The following YES1 variants were observed in gnomAD, a reference collection of about 807,000 sequenced individuals.
The protein encoded by YES1 is tyrosine-protein kinase Yes.
YES1 carries 39 observed loss-of-function variants against 70.4 expected under a neutral mutation model. The ratio of observed to expected loss-of-function variants is 0.55; its 90% confidence interval spans 0.43 to 0.72. The LOEUF (loss-of-function observed/expected upper bound fraction) is 0.72. Among genes scored for constraint, YES1 ranks in the 30% least tolerant of loss-of-function variants. YES1 has a pLI of 0.00. For synonymous variants in YES1, 198 were observed against 218.6 expected, an observed-to-expected ratio of 0.91 and a Z score of 0.83; for missense variants, 495 against 644.8, an observed-to-expected ratio of 0.77 and a Z score of 2.52.
At chr18:743,207 C>A in intron 7 of YES1, 53 bp downstream of exon 7, 1 of 1,573,256 alleles carries the variant, frequency 6.4e-7, no homozygotes, top group Non-Finnish European at 8.6e-7. Context: ...TAAATTGTTG[C>A]ACTTTAATCC....
chr18:800,605 A>AC (rs1906769700), intron 1 of YES1, among the ~76,000 whole-genome samples: 2 of 152,214 alleles, frequency 1.3e-5, no homozygotes, highest in Non-Finnish European at 2.9e-5. Context: ...TGGAGAAATA[A>AC]AAGGAAGCCA....
Position 756,780 on chromosome 18 carries a change from G to A in YES1, c.48C>T (p.Tyr16=). ...SKENKSPAIK[Y]RPENTPEPVS... is the part of the protein sequence containing the mutation. ...CAGGCTCTGGAGTATTTTCAGGTCT[G>A]TATTTAATGGCTGGACTTTTGTTTT... The change falls in exon 2 of 12, where the codon TAC becomes TAT. Residue 16 remains tyrosine (Y), a synonymous_variant. Transcript: ENST00000314574. 2 of 1,614,124 alleles carry A rather than the reference G, an allele frequency of 1.2e-6. No homozygotes were observed. Among genetic ancestry groups the A allele is most frequent in the South Asian group, 1.1e-5 (1 of 91,082 alleles).
At chr18:789,461 T>C (rs1232217202) in intron 1 of YES1, among the ~76,000 whole-genome samples, 2 of 152,018 alleles carry the variant, frequency 1.3e-5, no homozygotes, top group Non-Finnish European at 2.9e-5. Flanking sequence ...TACAGGCCTG[T>C]AGTCCCAACT....
At chr18:764,068 C>T (rs1248555846) in intron 1 of YES1, among the ~76,000 whole-genome samples, 4 of 149,308 alleles carry the variant, frequency 2.7e-5, no homozygotes, top group East Asian at 2.0e-4. Flanking sequence ...TGCAGTGAGC[C>T]GAGATCACAC....
chr18:791,113 G>C (rs924036730), intron 1 of YES1, among the ~76,000 whole-genome samples: 5 of 151,680 alleles, frequency 3.3e-5, no homozygotes, highest in African/African-American at 1.2e-4. Flanking sequence ...AGCCGGGCGT[G>C]GTGGTGCGCG....
intron 1 of YES1, among the ~76,000 whole-genome samples, chr18:774,741 T>C (rs1192588753): frequency 6.6e-6 from 1 of 152,214 alleles, no homozygotes; most frequent in African/African-American, 2.4e-5. Context: ...GTTCCTGCCA[T>C]TGCACCTTTT....
intron 1 of YES1, among the ~76,000 whole-genome samples, chr18:765,680 G>T (rs1038232410): frequency 6.6e-6 from 1 of 152,142 alleles, no homozygotes; most frequent in African/African-American, 2.4e-5. Flanking sequence ...TTACAGGCGT[G>T]AGCCACCGCA....
intron 1 of YES1, among the ~76,000 whole-genome samples, chr18:795,793 T>C (rs1481364427): frequency 6.6e-6 from 1 of 151,188 alleles, no homozygotes; most frequent in African/African-American, 2.4e-5. Context: ...TTAGGAGAAA[T>C]ACCTAATGCA....
chr18:752,366 T>C (rs2145729672), intron 2 of YES1, among the ~76,000 whole-genome samples: 1 of 152,252 alleles, frequency 6.6e-6, no homozygotes, highest in African/African-American at 2.4e-5. Flanking sequence ...TGCCTTGACC[T>C]CCCAAAGTGC....
At chr18:774,035 C>T (rs1598925650) in intron 1 of YES1, among the ~76,000 whole-genome samples, 1 of 152,106 alleles carries the variant, frequency 6.6e-6, no homozygotes, top group Admixed American at 6.6e-5. Context: ...GTTTCACCAT[C>T]TTGGCCAGGC....
intron 1 of YES1, among the ~76,000 whole-genome samples, chr18:760,061 A>G (rs1904506393): frequency 6.6e-6 from 1 of 152,132 alleles, no homozygotes; most frequent in African/African-American, 2.4e-5. Flanking sequence ...ATGGCTGCAT[A>G]GTATTCCATG....
intron 1 of YES1, among the ~76,000 whole-genome samples, chr18:799,370 T>C (rs1906703672): frequency 1.3e-5 from 2 of 152,170 alleles, no homozygotes; most frequent in South Asian, 2.1e-4. Flanking sequence ...CTTGCTTATA[T>C]CAATGTAATA....
chr18:746,145 C>T lies in YES1; in HGVS notation c.471-94G>A, dbSNP rs532306216. 2.1e-5 allele frequency: 18 copies of T among 854,726 alleles called. No individual in the cohort carries two copies. In the Admixed American group the frequency reaches 2.2e-4, roughly 10 times the overall value. 52.9% of individuals were successfully genotyped at this position (854,726 alleles called of 1,614,324 possible). The stretch of plus-strand genomic sequence containing the variant: ...AAGAATGGACTGGGATAGGTTTGGA[C>T]GACAAAGAATAGCTAGAGAACATGG... On this transcript the variant is annotated intron_variant, in intron 4 of 11. Coordinates refer to ENST00000314574, the MANE Select transcript of YES1 (RefSeq NM_005433.4).
At chr18:782,579 T>C (rs1475772100) in intron 1 of YES1, among the ~76,000 whole-genome samples, 5 of 152,262 alleles carry the variant, frequency 3.3e-5, no homozygotes, top group Non-Finnish European at 2.9e-5. Flanking sequence ...AATAAAAATA[T>C]ATTATTAATT....
rs377045484 is a variant in YES1 at position 724,329 on chromosome 18, A to C, written c.*95T>G. The C allele has an allele frequency of 2.3e-5, 28 of 1,197,662 alleles. No homozygotes were observed. In the African/African-American group the frequency reaches 3.7e-4, roughly 16 times the overall value. The allele number at this position is 1,197,662 out of a possible 1,614,324, so 74.2% of individuals were successfully genotyped here. On this transcript the variant is annotated 3_prime_UTR_variant, in exon 12 of 12. Transcript: ENST00000314574. ...CCAGTTTACCATTAAAAACATGCAG[A>C]GTAAAGAAGATTTTCTTCTTTTGAT...
chr18:744,367 C>T (rs1316663025), intron 6 of YES1, among the ~76,000 whole-genome samples: 1 of 148,738 alleles, frequency 6.7e-6, no homozygotes, highest in Non-Finnish European at 1.5e-5. Flanking sequence ...GGAAAAAGTT[C>T]ATTTAGGATC....
chr18:774,014 G>C (rs1394064491), intron 1 of YES1, among the ~76,000 whole-genome samples: 1 of 152,116 alleles, frequency 6.6e-6, no homozygotes, highest in Non-Finnish European at 1.5e-5. Flanking sequence ...GTATTTTTCA[G>C]TAGAGACGGG....
In YES1 at chr18:785,728, C is replaced by T. The variant is rs1472173528; in HGVS notation, c.-9+26386G>A. Among the ~76,000 whole-genome samples, 8 of 151,502 alleles carry T rather than the reference C, an allele frequency of 5.3e-5. No homozygotes were observed. The South Asian group carries it at 1.0e-3, about 20-fold the overall frequency. The stretch of plus-strand genomic sequence containing the variant: ...ATGGGAGTGGGTTTGTTATAAAAGC[C>T]AGTCTGTCAAGACCAGTCTAAGCCC... On this transcript the variant is annotated intron_variant, in intron 1 of 11. Transcript: ENST00000314574.
At chr18:788,262 C>T (rs905944210) in intron 1 of YES1, among the ~76,000 whole-genome samples, 3 of 152,128 alleles carry the variant, frequency 2.0e-5, no homozygotes, top group Non-Finnish European at 2.9e-5. Context: ...TGTTTCCTTT[C>T]TATTTTCATA....
Sources: allele counts gnomAD v4.1 joint callset (sites outside exome capture counted in the v4.1 genomes callset), GRCh38; gene constraint gnomAD v4.1.1; transcripts MANE v1.5; gene names NCBI Gene and HGNC (gene_info 2026-07-23, HGNC 2026-07-21).